Variants in IFT52 observed in about 807,000 individuals in gnomAD.
The protein encoded by IFT52 is intraflagellar transport 52.
In IFT52, 44 loss-of-function variants were observed where a neutral mutation model predicts 54.4. The ratio of observed to expected loss-of-function variants is 0.81; its 90% CI spans 0.63 to 1.04. IFT52 has a LOEUF of 1.04. Among genes scored for constraint, IFT52 ranks in the 50% least tolerant of loss-of-function variants. IFT52 has a pLI of 0.00. For missense variants in IFT52, 452 were observed against 523.6 expected (o/e 0.86, Z 1.33); for synonymous variants, 181 against 185.3 (o/e 0.98, Z 0.19).
At position 43,624,086 on chromosome 20, in the gene IFT52, C is replaced by T. The variant is rs376816790; in HGVS notation, c.923+41C>T. On this transcript the variant is annotated intron_variant, in intron 10 of 13. Transcript: ENST00000373030. ...CCTCTGAGCCACACTGCACTCCATT[C>T]TGAGTGTTTGGTTTGGAAACATGAA... The T allele has an allele frequency of 1.2e-4, 186 of 1,597,660 alleles. 1 individual carries two copies. In the East Asian group the frequency reaches 2.8e-3, roughly 24 times the overall value.
At chr20:43,600,304 A>AT (rs747896469) in intron 3 of IFT52, among the ~76,000 whole-genome samples, 4,632 of 138,326 alleles carry the variant, frequency 0.033, 79 homozygotes, top group South Asian at 0.059. Context: ...GTAAAGTTCT[A>AT]TTTTTTTTTT....
rs751737489 is a variant in IFT52 at position 43,604,208 on chromosome 20, C to T, written c.363C>T (p.His121=). 5.6e-6 allele frequency: 9 copies of T among 1,610,000 alleles called. No homozygotes were observed. The highest frequency in any genetic ancestry group is 3.4e-6 in the Non-Finnish European group (4 of 1,176,342). ...ATGCTGTGGTTAGAAATGTATATCA[C>T]AAATATTTCCATCCTAAAGAAGCTC... is the stretch of plus-strand genomic sequence containing the variant. ...NNDAVVRNVY[H]KYFHPKEALV... The change falls in exon 5 of 14, where the codon CAC becomes CAT. Residue 121 remains histidine (H), a synonymous_variant. Transcript: ENST00000373030.
intron 6 of IFT52, among the ~76,000 whole-genome samples, chr20:43,606,206 T>A (rs1401037996): frequency 6.7e-6 from 1 of 149,740 alleles, no homozygotes; most frequent in African/African-American, 2.5e-5. Context: ...GGGGGACAGA[T>A]GGAGACTTCG....
chr20:43,602,360 C>A (rs1430593720), intron 3 of IFT52, among the ~76,000 whole-genome samples: 1 of 151,974 alleles, frequency 6.6e-6, no homozygotes, highest in Non-Finnish European at 1.5e-5. Context: ...CGGGGTTTCA[C>A]CATGTTGGCC....
At chr20:43,624,883 C>T (rs1266067401) in intron 10 of IFT52, among the ~76,000 whole-genome samples, 1 of 152,112 alleles carries the variant, frequency 6.6e-6, no homozygotes, top group African/African-American at 2.4e-5. Context: ...GTCTTATCAA[C>T]CTGGAATCCT....
At chr20:43,623,367 TGTA>T (rs1984485147) in intron 9 of IFT52, among the ~76,000 whole-genome samples, 1 of 152,096 alleles carries the variant, frequency 6.6e-6, no homozygotes, top group South Asian at 2.1e-4. Context: ...TTTGTATTTC[TGTA>T]GTGACAGGGT....
intron 6 of IFT52, among the ~76,000 whole-genome samples, chr20:43,606,589 G>A (rs1982901216): frequency 6.6e-6 from 1 of 151,456 alleles, no homozygotes; most frequent in South Asian, 2.1e-4. Flanking sequence ...ACTTGTGGTA[G>A]TATTTTTTTT....
intron 6 of IFT52, among the ~76,000 whole-genome samples, chr20:43,611,088 T>C (rs1447714462): frequency 6.6e-6 from 1 of 152,202 alleles, no homozygotes; most frequent in Admixed American, 6.6e-5. Context: ...GTTGTTCCTT[T>C]CCTGGATTAT....
At chr20:43,618,877 GTACTAGGA>G in intron 7 of IFT52, 55 bp from the exon 8 acceptor site, 1 of 1,010,480 alleles carries the variant, frequency 9.9e-7, no homozygotes, top group East Asian at 2.4e-5. Flanking sequence ...AAGTGTCTGG[GTACTAGGA>G]TACATGAGAT....
At chr20:43,646,855 T>C in intron 13 of IFT52, 81 bp from the exon 14 acceptor site, 1 of 1,150,872 alleles carries the variant, frequency 8.7e-7, no homozygotes, top group South Asian at 1.3e-5. Flanking sequence ...TCAGAATCTC[T>C]AAAGTCCAAA....
chr20:43,646,902 A>G, intron 13 of IFT52, 34 bp from the exon 14 acceptor site: 1 of 1,571,572 alleles, frequency 6.4e-7, no homozygotes, highest in East Asian at 2.2e-5. Context: ...TTATACTGAA[A>G]TACTAAAATT....
At chr20:43,637,600 G>A (rs562069444) in intron 12 of IFT52, among the ~76,000 whole-genome samples, 2 of 152,206 alleles carry the variant, frequency 1.3e-5, no homozygotes, top group Admixed American at 6.6e-5. Context: ...TTTCTCTTAT[G>A]AGTTTTATTT....
At chr20:43,609,775 C>CAAA (rs57268776) in intron 6 of IFT52, among the ~76,000 whole-genome samples, 7 of 47,182 alleles carry the variant, frequency 1.5e-4, no homozygotes, top group Non-Finnish European at 2.3e-4. Flanking sequence ...AACTCCGTCT[C>CAAA]AAAAAAAAAA....
intron 9 of IFT52, among the ~76,000 whole-genome samples, chr20:43,622,380 C>T (rs970598603): frequency 9.9e-5 from 15 of 151,862 alleles, no homozygotes; most frequent in Non-Finnish European, 1.9e-4. Context: ...GGGCGGATCA[C>T]GAGGTCAGGA....
At chr20:43,595,748 T>G (rs1981907570) in intron 2 of IFT52, among the ~76,000 whole-genome samples, 1 of 151,728 alleles carries the variant, frequency 6.6e-6, no homozygotes. Context: ...TAGCCAGACA[T>G]GATGGTGCAT....
At chr20:43,625,683 G>C (rs1385932971) in intron 10 of IFT52, among the ~76,000 whole-genome samples, 1 of 152,128 alleles carries the variant, frequency 6.6e-6, no homozygotes, top group African/African-American at 2.4e-5. Flanking sequence ...ATTCAAGGAA[G>C]AGCAACAAGG....
chr20:43,597,904 A>AC (rs1374218048), intron 3 of IFT52, among the ~76,000 whole-genome samples: 2 of 151,338 alleles, frequency 1.3e-5, no homozygotes, highest in African/African-American at 4.9e-5. Context: ...AAAAAAAAAA[A>AC]AAAAAAACTG....
chr20:43,631,359 TAGGAA>T (rs1285612453), intron 10 of IFT52, among the ~76,000 whole-genome samples: 1 of 152,086 alleles, frequency 6.6e-6, no homozygotes, highest in Admixed American at 6.6e-5. Context: ...TGCTCAGTGC[TAGGAA>T]AGATTCTCCC....
intron 6 of IFT52, among the ~76,000 whole-genome samples, chr20:43,608,247 T>C (rs917623331): frequency 2.6e-5 from 4 of 152,152 alleles, no homozygotes; most frequent in African/African-American, 9.7e-5. Context: ...TCAGAGGTCT[T>C]CCAACAGATG....
Sources: gnomAD v4.1 joint callset for allele counts (sites outside exome capture counted in the v4.1 genomes callset) on GRCh38, gnomAD v4.1.1 for gene constraint, MANE v1.5 for transcripts, NCBI Gene and HGNC (gene_info 2026-07-23, HGNC 2026-07-21) for gene names.